PLA2R1: variants seen among roughly 807,000 people sequenced by gnomAD.
PLA2R1 encodes the protein secretory phospholipase A2 receptor.
Under a neutral mutation model 195.9 loss-of-function variants are expected in PLA2R1, and 158 were observed. The ratio of observed to expected loss-of-function variants is 0.81; its 90% CI spans 0.71 to 0.92. The LOEUF (loss-of-function observed/expected upper bound fraction) is 0.92. PLA2R1 is among the 40% of genes least tolerant of loss of function. The pLI, the probability that PLA2R1 is intolerant of heterozygous loss-of-function variation, is 0.00. For synonymous variants in PLA2R1, 586 were observed against 598.2 expected, an observed-to-expected ratio of 0.98 and a Z score of 0.30; for missense variants, 1,626 against 1,764.6, an observed-to-expected ratio of 0.92 and a Z score of 1.41.
intron 2 of PLA2R1, among the ~76,000 whole-genome samples, chr2:160,043,092 T>C (rs1694647911): frequency 7.6e-6 from 1 of 131,304 alleles, no homozygotes; most frequent in Non-Finnish European, 1.8e-5. Context: ...GCCCTCTGGG[T>C]AGGGAGCCAG....
At chr2:160,029,302 G>T (rs1272382873) in intron 4 of PLA2R1, among the ~76,000 whole-genome samples, 1 of 152,204 alleles carries the variant, frequency 6.6e-6, no homozygotes, top group Non-Finnish European at 1.5e-5. Context: ...TAGGGTGGAG[G>T]AAGAGGTGTG....
intron 20 of PLA2R1, among the ~76,000 whole-genome samples, chr2:159,964,543 G>A (rs1166786169): frequency 6.6e-6 from 1 of 152,074 alleles, no homozygotes; most frequent in Non-Finnish European, 1.5e-5. Flanking sequence ...AGATTTTATA[G>A]TTTGAGAAAA....
At position 159,951,340 on chromosome 2, in the gene PLA2R1, A is replaced by C; in HGVS notation, c.3540T>G (p.Asp1180Glu). ...GTCTCAAGGGAGTTAGGATACCTACATCTGTGGTGAACAGTCCAATCCAGT... is the reference window on the plus strand; with the variant it reads ...GTCTCAAGGGAGTTAGGATACCTACCTCTGTGGTGAACAGTCCAATCCAGT... The part of the protein sequence containing the change: ...YAHWIGLFTT[D>E]NGLNFDWSDG... The change falls in exon 24 of 30, where the codon GAT becomes GAG. Residue 1180 changes from aspartate to glutamate, a missense_variant and splice_region_variant. Physicochemically the swap from Asp to Glu is conservative, Grantham distance 45. Coordinates refer to ENST00000283243, the MANE Select transcript of PLA2R1 (RefSeq NM_007366.5). 6.4e-7 allele frequency: 1 copy of C among 1,551,284 alleles called. No homozygotes were observed. Among genetic ancestry groups the C allele is most frequent in the South Asian group, 1.1e-5 (1 of 89,756 alleles).
intron 21 of PLA2R1, among the ~76,000 whole-genome samples, 168 bp from the exon 22 acceptor site, chr2:159,955,996 A>C (rs1366406013): frequency 6.6e-6 from 1 of 152,210 alleles, no homozygotes; most frequent in Non-Finnish European, 1.5e-5. Context: ...AGTTTCTTTC[A>C]CTTTTGTTTT....
intron 28 of PLA2R1, among the ~76,000 whole-genome samples, chr2:159,943,389 C>T (rs1371271025): frequency 6.6e-6 from 1 of 152,112 alleles, no homozygotes; most frequent in African/African-American, 2.4e-5. Flanking sequence ...ATCAGATGCA[C>T]AAATTTTCAG....
intron 17 of PLA2R1, among the ~76,000 whole-genome samples, chr2:159,973,320 C>T (rs1689310891): frequency 6.6e-6 from 1 of 152,004 alleles, no homozygotes; most frequent in African/African-American, 2.4e-5. Flanking sequence ...TGGAAAGCAA[C>T]AGCTTTCTTC....
chr2:159,980,690 T>A (rs1465701859), intron 13 of PLA2R1, among the ~76,000 whole-genome samples: 1 of 152,172 alleles, frequency 6.6e-6, no homozygotes, highest in Non-Finnish European at 1.5e-5. Context: ...TACAAATGTG[T>A]CCACAGAATA....
At chr2:159,984,663 G>A (rs531486762) in intron 12 of PLA2R1, among the ~76,000 whole-genome samples, 8 of 152,184 alleles carry the variant, frequency 5.3e-5, no homozygotes, top group Non-Finnish European at 1.0e-4. Context: ...TGGTTCAGCT[G>A]TGCCTAAAAT....
chr2:160,046,475 G>A (rs1019454211), intron 1 of PLA2R1, among the ~76,000 whole-genome samples: 2 of 152,188 alleles, frequency 1.3e-5, no homozygotes, highest in Admixed American at 1.3e-4. Flanking sequence ...GCCTCCTCAT[G>A]GATCCACGAG....
chr2:159,963,993 T>C (rs1688619249), intron 20 of PLA2R1, among the ~76,000 whole-genome samples: 1 of 152,004 alleles, frequency 6.6e-6, no homozygotes, highest in African/African-American at 2.4e-5. Flanking sequence ...CATCAACAGA[T>C]GAATGAATAA....
intron 10 of PLA2R1, among the ~76,000 whole-genome samples, chr2:160,006,650 C>G (rs182818657): frequency 1.0e-3 from 158 of 152,294 alleles, no homozygotes; most frequent in African/African-American, 3.6e-3. Context: ...TAAGTTGAAA[C>G]TATCTTGAGA....
At position 159,976,696 on chromosome 2, in the gene PLA2R1, C is replaced by T. The variant is rs1283895099; in HGVS notation, c.2426G>A (p.Trp809Ter). 2 of 1,608,990 alleles carry T rather than the reference C, an allele frequency of 1.2e-6. No individual in the cohort carries two copies. The highest frequency in any genetic ancestry group is 8.5e-7 in the Non-Finnish European group (1 of 1,175,536). The change falls in exon 16 of 30, where the codon TGG becomes TAG. Residue 809 changes from tryptophan (W) to a stop codon, truncating the protein, a stop_gained. Coordinates refer to ENST00000283243, the MANE Select transcript of PLA2R1 (RefSeq NM_007366.5). LOFTEE classifies it high-confidence loss of function. ...AGAGTCATTCTTACCGTACTGGTAC[C>T]AGAACGGAATCTTGGGTTTCACATC... is the stretch of plus-strand genomic sequence containing the variant. ...PRDVKPKIPFWYQYDVPWLFY... is the reference protein window; with the variant it reads ...PRDVKPKIPF
At position 159,955,238 on chromosome 2, in the gene PLA2R1, C is replaced by T; in HGVS notation, c.3262G>A (p.Gly1088Arg). 6.2e-7 allele frequency: 1 copy of T among 1,611,042 alleles called. No homozygotes were observed. Among genetic ancestry groups the T allele is most frequent in the South Asian group, 1.1e-5 (1 of 90,624 alleles). ...FTGKWYFEDC[G>R]KEGYGFVCEK... is the part of the protein sequence containing the mutation. ...CAAACAAACCCATAGCCTTCCTTTC[C>T]ACAGTCTTCAAAATACCATTTTCCA... Residue 1088 changes from glycine (G) to arginine (R), a missense_variant, in exon 23 of 30, where the codon GGA (glycine) becomes AGA (arginine). Physicochemically the swap from Gly to Arg is moderately radical, Grantham distance 125. Coordinates refer to ENST00000283243, the MANE Select transcript of PLA2R1 (RefSeq NM_007366.5).
chr2:160,004,639 T>C (rs772416893), intron 11 of PLA2R1, among the ~76,000 whole-genome samples: 2 of 152,184 alleles, frequency 1.3e-5, no homozygotes, highest in Non-Finnish European at 2.9e-5. Context: ...ACTTAGTAAC[T>C]CTTTGCTGTT....
intron 3 of PLA2R1, among the ~76,000 whole-genome samples, chr2:160,036,836 C>T (rs1434318766): frequency 6.6e-6 from 1 of 152,212 alleles, no homozygotes; most frequent in African/African-American, 2.4e-5. Flanking sequence ...GAGCTGAACT[C>T]CACATCTGTG....
At chr2:159,925,899 G>A in the PLA2R1 span, among the ~76,000 whole-genome samples, 3 of 152,146 alleles carry the variant, frequency 2.0e-5, no homozygotes, top group African/African-American at 7.2e-5. Flanking sequence ...TTGTGTACAT[G>A]AAACACTGAC....
rs146634512 is a variant in PLA2R1 at position 160,059,028 on chromosome 2, G to A, written c.109+3267C>T. Among the ~76,000 whole-genome samples, 276 of 152,298 alleles carry A rather than the reference G, an allele frequency of 1.8e-3. 6 individuals are homozygous for A. In the East Asian group the frequency reaches 0.044, roughly 24 times the overall value. On this transcript the variant is annotated intron_variant, in intron 1 of 29. Transcript: ENST00000283243. ...GTCCCATCTGGGGTGACGGGAGACA[G>A]TGACAGATCATCAGGCATTAGATTA...
intron 1 of PLA2R1, among the ~76,000 whole-genome samples, chr2:160,055,055 T>C (rs1695447891): frequency 6.6e-6 from 1 of 152,228 alleles, no homozygotes; most frequent in Non-Finnish European, 1.5e-5. Context: ...GCTATCTGTG[T>C]GGCCCCATCT....
intron 9 of PLA2R1, among the ~76,000 whole-genome samples, chr2:160,013,890 T>G (rs1394438296): frequency 6.6e-6 from 1 of 152,096 alleles, no homozygotes; most frequent in Non-Finnish European, 1.5e-5. Flanking sequence ...ATATCATAGT[T>G]TTTTCATCTA....
Sources: allele counts gnomAD v4.1 joint callset (sites outside exome capture counted in the v4.1 genomes callset), GRCh38; gene constraint gnomAD v4.1.1; transcripts MANE v1.5; gene names NCBI Gene and HGNC (gene_info 2026-07-23, HGNC 2026-07-21).